C4orf51: variants seen among roughly 807,000 people sequenced by gnomAD.
C4orf51 encodes chromosome 4 open reading frame 51.
In C4orf51, 25 loss-of-function variants were observed where a neutral mutation model predicts 25.2. The ratio of observed to expected loss-of-function variants is 0.99; its 90% CI spans 0.72 to 1.39. C4orf51 has a LOEUF of 1.39. C4orf51 is among the 40% of genes most tolerant of loss of function. The pLI, the probability that C4orf51 is intolerant of heterozygous loss-of-function variation, is 0.00. For missense variants in C4orf51, 252 were observed against 239.6 expected, an observed-to-expected ratio of 1.05 and a Z score of -0.34; for synonymous variants, 100 against 84.5, an observed-to-expected ratio of 1.18 and a Z score of -1.01.
intron 2 of C4orf51, among the ~76,000 whole-genome samples, chr4:145,715,520 A>T (rs886896418): frequency 7.2e-5 from 11 of 152,050 alleles, no homozygotes; most frequent in African/African-American, 2.7e-4. Flanking sequence ...GTCACGGGTA[A>T]AGGGAAACTG....
chr4:145,747,765 T>TTCCTTC (rs1198954052), intron 1 of C4orf51, among the ~76,000 whole-genome samples: 1 of 145,622 alleles, frequency 6.9e-6, no homozygotes, highest in African/African-American at 2.5e-5. Context: ...CCTTCCTTCC[T>TTCCTTC]CTCTCTTTTC....
chr4:145,732,371 A>C, intron 5 of C4orf51, 82 bp from the exon 6 acceptor site: 7 of 805,096 alleles, frequency 8.7e-6, no homozygotes, highest in African/African-American at 1.7e-5. Flanking sequence ...CTGGTTTGGA[A>C]GAGACCATTT....
the C4orf51 span, among the ~76,000 whole-genome samples, chr4:145,780,094 G>A: frequency 6.6e-6 from 1 of 152,216 alleles, no homozygotes. Context: ...CAGAGGCTGA[G>A]GCACGAGAAT....
Position 145,761,593 on chromosome 4 carries a change from GGGCACCTGCCGGGGAAAGCAAC to G in C4orf51, n.167-9393_167-9372del. The G allele has an allele frequency of 7.9e-7, 1 of 1,259,422 alleles. No homozygotes were observed. Among genetic ancestry groups the G allele is most frequent in the Non-Finnish European group, 1.0e-6 (1 of 969,134 alleles). The allele number at this position is 1,259,422 out of a possible 1,614,324, so 78.0% of individuals were successfully genotyped here. A position where few individuals can be genotyped will look rare whatever the true frequency, so the allele number is the denominator to read the frequency against. ...GCGGTTGGTGGAATAAATGCAGAAT[GGGCACCTGCCGGGGAAAGCAAC>G]GCAAGGGAGGTTCAGCCGGGAAGGT... is the stretch of plus-strand genomic sequence containing the variant. On this transcript the variant is annotated intron_variant and non_coding_transcript_variant, in intron 1 of 1. Transcript: ENST00000510096. This position sits in a 1 kb window ranked among gnomAD's most constrained non-coding sequence, Gnocchi z 6.8.
In C4orf51 at chr4:145,697,433, C is replaced by CATA. The variant is rs906100001; in HGVS notation, c.307+802_307+804dup. 2.9e-4 allele frequency among the ~76,000 whole-genome samples: 44 copies of CATA among 152,268 alleles called. 1 individual carries two copies. Among genetic ancestry groups the CATA allele is most frequent in the African/African-American group, 9.9e-4 (41 of 41,552 alleles). On this transcript the variant is annotated intron_variant, in intron 2 of 5. Transcript: ENST00000438731. The stretch of plus-strand genomic sequence containing the variant: ...ATTTTAAGTATACATTTTAATTAAC[C>CATA]ATAGTTACCATACTGTACATAAGGT...
intron 1 of C4orf51, among the ~76,000 whole-genome samples, chr4:145,750,995 T>C (rs947919178): frequency 6.6e-6 from 1 of 152,194 alleles, no homozygotes; most frequent in African/African-American, 2.4e-5. Flanking sequence ...CTTGATTCTT[T>C]TTATTTCCAT....
intron 1 of C4orf51, among the ~76,000 whole-genome samples, chr4:145,753,634 G>A (rs1213364006): frequency 6.6e-6 from 1 of 152,160 alleles, no homozygotes; most frequent in African/African-American, 2.4e-5. Context: ...TTTATTCCTA[G>A]TTGGAGTATG....
chr4:145,696,665 C>T lies in C4orf51; in HGVS notation c.307+33C>T, dbSNP rs368897753. The T allele has an allele frequency of 2.0e-5, 30 of 1,514,796 alleles. No individual in the cohort carries two copies. In the African/African-American group the frequency reaches 3.3e-4, roughly 17 times the overall value. 93.8% of individuals were successfully genotyped at this position (1,514,796 alleles called of 1,614,324 possible). A position where few individuals can be genotyped will look rare whatever the true frequency, so the allele number is the denominator to read the frequency against. The stretch of plus-strand genomic sequence containing the variant: ...CAACATGATCAGTTTCTGGGCCCAG[C>T]CCTTTTGCCAGGGTTGCTGTGTTTC... On this transcript the variant is annotated intron_variant, in intron 2 of 5. Transcript: ENST00000438731.
chr4:145,747,664 C>G (rs1423339270), intron 1 of C4orf51, among the ~76,000 whole-genome samples: 1 of 147,200 alleles, frequency 6.8e-6, no homozygotes, highest in Non-Finnish European at 1.5e-5. Context: ...CTCCCTTCCT[C>G]CCCGCTTCTT....
chr4:145,744,195 A>G (rs1051057024), intron 1 of C4orf51, among the ~76,000 whole-genome samples: 1 of 151,762 alleles, frequency 6.6e-6, no homozygotes, highest in African/African-American at 2.4e-5. Context: ...TGGAGGGGGA[A>G]TCTTGGGGGG....
At chr4:145,726,290 C>T (rs1341989057) in intron 2 of C4orf51, among the ~76,000 whole-genome samples, 1 of 152,166 alleles carries the variant, frequency 6.6e-6, no homozygotes, top group Admixed American at 6.5e-5. Context: ...TCCATCACCT[C>T]AAACATTTAT....
chr4:145,768,189 G>C (rs190980180), intron 1 of C4orf51, among the ~76,000 whole-genome samples: 4 of 151,986 alleles, frequency 2.6e-5, no homozygotes, highest in Admixed American at 2.6e-4. Context: ...TTTGGAGACA[G>C]GGTCTCACTC....
At chr4:145,686,788 A>G (rs184339846) in intron 1 of C4orf51, among the ~76,000 whole-genome samples, 14 of 152,340 alleles carry the variant, frequency 9.2e-5, no homozygotes, top group Non-Finnish European at 1.5e-4. Flanking sequence ...AAAAGTTCTC[A>G]AGTCACTCTC....
chr4:145,680,284 A>T lies in C4orf51; in HGVS notation c.81A>T (p.Arg27Ser), dbSNP rs745630601. The part of the protein sequence containing the change: ...PLTSQEFDLI[R>S]RKAGASWQDE... ...CTTCTCAAGAGTTTGATCTGATCAG[A>T]CGCAAGGCTGGAGCATCTTGGCAGG... Residue 27 changes from arginine to serine, a missense_variant, in exon 1 of 6, where the codon AGA (arginine) becomes AGT (serine). By Grantham distance (110) the Arg-to-Ser change is moderately radical (BLOSUM62 -1). Coordinates refer to ENST00000438731, the MANE Select transcript of C4orf51 (RefSeq NM_001080531.3). 3.1e-6 allele frequency: 5 copies of T among 1,613,866 alleles called. No individual in the cohort carries two copies. Among genetic ancestry groups the T allele is most frequent in the Non-Finnish European group, 4.2e-6 (5 of 1,179,864 alleles).
At chr4:145,777,846 G>A in the C4orf51 span, among the ~76,000 whole-genome samples, 1 of 152,056 alleles carries the variant, frequency 6.6e-6, no homozygotes, top group South Asian at 2.1e-4. Context: ...CCAGGTTTAT[G>A]TATGAAGTGT....
intron 2 of C4orf51, among the ~76,000 whole-genome samples, chr4:145,699,420 G>T (rs1002629682): frequency 6.6e-6 from 1 of 151,638 alleles, no homozygotes; most frequent in African/African-American, 2.4e-5. Context: ...TTCAAATCCG[G>T]TAAGCGGCCT....
rs558945642 is a variant in C4orf51, at chr4:145,709,342, A to G, written c.307+12710A>G. Among the ~76,000 whole-genome samples the G allele has an allele frequency of 3.3e-5, 5 of 152,388 alleles. No homozygotes were observed. The South Asian group carries it at 1.0e-3, about 32-fold the overall frequency. On this transcript the variant is annotated intron_variant, in intron 2 of 5. Transcript: ENST00000438731. The stretch of plus-strand genomic sequence containing the variant: ...AGAGCATAACAGGAACAAAAAGCAT[A>G]TGACAAGTCATAAGTTGCTGGCAGA...
the C4orf51 span, chr4:145,779,241 G>T: frequency 2.4e-6 from 3 of 1,225,696 alleles, no homozygotes; most frequent in Non-Finnish European, 1.1e-6. Context: ...ACATGCCAGA[G>T]AAAATGGCTT....
chr4:145,701,682 AC>A (rs942196483), intron 2 of C4orf51, among the ~76,000 whole-genome samples: 17 of 151,910 alleles, frequency 1.1e-4, no homozygotes, highest in African/African-American at 3.9e-4. Flanking sequence ...TACCCACTCC[AC>A]ATTACCTTCT....
Sources: allele counts gnomAD v4.1 joint callset (sites outside exome capture counted in the v4.1 genomes callset), GRCh38; gene constraint gnomAD v4.1.1; non-coding constraint Gnocchi (gnomAD v3.1); transcripts MANE v1.5; gene names NCBI Gene and HGNC (gene_info 2026-07-23, HGNC 2026-07-21).